The following XPO5 variants were observed in gnomAD, a reference collection of about 807,000 sequenced individuals.
The protein encoded by XPO5 is exportin-5.
A neutral mutation model predicts 160.6 loss-of-function variants in XPO5; 46 were observed. That is an observed-to-expected ratio of 0.29 (90% CI 0.23 to 0.37). The LOEUF is 0.37. XPO5 is among the 10% of genes least tolerant of loss of function. The pLI is 1.00. For missense variants in XPO5, 1,090 were observed against 1,463.9 expected (o/e 0.74, Z 4.17); for synonymous variants, 537 against 519.3 (o/e 1.03, Z -0.46).
At chr6:43,554,455 C>G (rs1472613070) in intron 13 of XPO5, among the ~76,000 whole-genome samples, 1 of 147,602 alleles carries the variant, frequency 6.8e-6, no homozygotes, top group African/African-American at 2.5e-5. Context: ...AGATGGAGTC[C>G]CGCTCTTTGC....
Position 43,522,802 on chromosome 6 carries a change from G to A in XPO5, c.*1066C>T, listed in dbSNP as rs79440262. On this transcript the variant is annotated 3_prime_UTR_variant, in exon 32 of 32. Coordinates refer to ENST00000265351, the MANE Select transcript of XPO5 (RefSeq NM_020750.3). ...TCTGTATGGATTAACTCTGCCTTAC[G>A]GCCAGTAATAACCTCAGGGCCAGGT... 0.016 allele frequency: 6,337 copies of A among 401,900 alleles called. 313 individuals carry two copies. Among genetic ancestry groups the A allele is most frequent in the African/African-American group, 0.11 (5,390 of 48,376 alleles). The allele number at this position is 401,900 out of a possible 1,614,324, so 24.9% of individuals were successfully genotyped here.
intron 20 of XPO5, among the ~76,000 whole-genome samples, chr6:43,535,791 G>A (rs542204426): frequency 2.7e-4 from 37 of 136,878 alleles, no homozygotes; most frequent in Admixed American, 8.3e-4. Flanking sequence ...TCCAGCCTGT[G>A]TGACAGAGCG....
At chr6:43,556,334 G>A (rs1762087602) in intron 12 of XPO5, among the ~76,000 whole-genome samples, 2 of 151,964 alleles carry the variant, frequency 1.3e-5, no homozygotes, top group East Asian at 3.9e-4. Flanking sequence ...AACCAGTTTG[G>A]GCAATACAGT....
chr6:43,526,898 A>G (rs1227153607), intron 26 of XPO5, 151 bp from the exon 27 acceptor site: 3 of 727,394 alleles, frequency 4.1e-6, no homozygotes, highest in Middle Eastern at 3.8e-4. Flanking sequence ...AGCTTCACCA[A>G]TAGAAATAGA....
chr6:43,540,588 G>C (rs370454384), intron 20 of XPO5, among the ~76,000 whole-genome samples: 2 of 152,222 alleles, frequency 1.3e-5, no homozygotes, highest in African/African-American at 4.8e-5. Flanking sequence ...GGGAGGTAGA[G>C]GTTGAAGTGA....
At chr6:43,554,314 T>C (rs1761903345) in intron 13 of XPO5, among the ~76,000 whole-genome samples, 1 of 152,042 alleles carries the variant, frequency 6.6e-6, no homozygotes, top group Non-Finnish European at 1.5e-5. Context: ...GGTTTCACCA[T>C]CTTGGCCAGG....
chr6:43,562,410 T>C, intron 8 of XPO5, 64 bp from the exon 9 acceptor site: 1 of 1,176,172 alleles, frequency 8.5e-7, no homozygotes, highest in South Asian at 1.3e-5. Flanking sequence ...AAACATCACT[T>C]TGTGTCTCAT....
intron 24 of XPO5, 46 bp downstream of exon 24, chr6:43,528,782 G>A (rs1468792240): frequency 1.9e-6 from 3 of 1,562,128 alleles, no homozygotes; most frequent in South Asian, 2.3e-5. Flanking sequence ...AATGGCCAGA[G>A]GCCTTAATAG....
chr6:43,569,251 T>A (rs1429864075), intron 5 of XPO5, among the ~76,000 whole-genome samples: 3 of 143,050 alleles, frequency 2.1e-5, no homozygotes, highest in African/African-American at 7.9e-5. Flanking sequence ...AAGATTGCAC[T>A]ACTGCACTCC....
Position 43,523,645 on chromosome 6 carries a change from T to A in XPO5, c.*223A>T, listed in dbSNP as rs550613202. 7.4e-6 allele frequency: 6 copies of A among 806,170 alleles called. No individual in the cohort carries two copies. The highest frequency in any genetic ancestry group is 1.3e-5 in the Non-Finnish European group (6 of 452,066). The allele number at this position is 806,170 out of a possible 1,614,324, so 49.9% of individuals were successfully genotyped here. On this transcript the variant is annotated 3_prime_UTR_variant, in exon 32 of 32. Transcript: ENST00000265351. ...AGTAGAATGGGAACTATCTGGGACA[T>A]CTAGACAGAATAGTTTAAGCCCTAA...
Position 43,533,898 on chromosome 6 carries a change from ATT to A in XPO5, c.2443+7_2443+8del, listed in dbSNP as rs1373496657. On this transcript the variant is annotated splice_region_variant and intron_variant, in intron 21 of 31. Coordinates refer to ENST00000265351, the MANE Select transcript of XPO5 (RefSeq NM_020750.3). ...TAAACCTTAGGAGAAAAAAGGTTAC[ATT>A]TCTTACCTAATATAGCAGATTTTTC... The A allele has an allele frequency of 1.3e-6, 2 of 1,588,292 alleles. No homozygotes were observed. The highest frequency in any genetic ancestry group is 1.7e-6 in the Non-Finnish European group (2 of 1,163,054).
At chr6:43,563,740 A>C (rs989443115) in intron 8 of XPO5, among the ~76,000 whole-genome samples, 1 of 152,208 alleles carries the variant, frequency 6.6e-6, no homozygotes. Context: ...GAAAAGGTAC[A>C]GTAAAAATAT....
At chr6:43,569,998 C>T (rs1205565699) in intron 5 of XPO5, among the ~76,000 whole-genome samples, 2 of 143,404 alleles carry the variant, frequency 1.4e-5, no homozygotes, top group African/African-American at 5.4e-5. Flanking sequence ...AGCCGAGATC[C>T]CTATCTTTTT....
In XPO5 at chr6:43,523,423, G is replaced by C; in HGVS notation, c.*445C>G. The C allele has an allele frequency of 3.1e-6, 1 of 319,928 alleles. No homozygotes were observed. The highest frequency in any genetic ancestry group is 6.1e-6 in the Non-Finnish European group (1 of 163,400). 19.8% of individuals were successfully genotyped at this position (319,928 alleles called of 1,614,324 possible). ...GCCCAGCAGCAAAAGGGCTCAGTGG[G>C]AGTTGGAGTGGTCCAAGAGAAACTC... On this transcript the variant is annotated 3_prime_UTR_variant, in exon 32 of 32. Coordinates refer to ENST00000265351, the MANE Select transcript of XPO5 (RefSeq NM_020750.3).
At position 43,557,425 on chromosome 6, in the gene XPO5, C is replaced by CA. The variant is rs1227954173; in HGVS notation, c.1312+1075dup. 8.0e-3 allele frequency among the ~76,000 whole-genome samples: 1,154 copies of CA among 143,548 alleles called. 9 individuals are homozygous for CA. The highest frequency in any genetic ancestry group is 0.027 in the African/African-American group (1,065 of 38,980). The allele number at this position is 143,548 out of a possible 152,430, so 94.2% of individuals were successfully genotyped here. ...TGGGCGACAGAGCGAGACTCCATCTCAAAAAAAAAAGAAATCAAGTACTGA... is the reference window on the plus strand; with the variant it reads ...TGGGCGACAGAGCGAGACTCCATCTCAAAAAAAAAAAGAAATCAAGTACTGA... On this transcript the variant is annotated intron_variant, in intron 12 of 31. Coordinates refer to ENST00000265351, the MANE Select transcript of XPO5 (RefSeq NM_020750.3).
At chr6:43,551,016 G>C (rs1404063000) in intron 15 of XPO5, 1 of 243,584 alleles carries the variant, frequency 4.1e-6, no homozygotes, top group Non-Finnish European at 7.9e-6. Flanking sequence ...TCCACAGTAA[G>C]TACTGAGTAG....
intron 7 of XPO5, among the ~76,000 whole-genome samples, chr6:43,566,936 C>T (rs1162317640): frequency 6.6e-6 from 1 of 151,700 alleles, no homozygotes; most frequent in Non-Finnish European, 1.5e-5. Context: ...TGTAAATTGC[C>T]AAGTATCATG....
chr6:43,574,849 C>CCCAATT (rs1345512714), intron 1 of XPO5, among the ~76,000 whole-genome samples: 5 of 151,932 alleles, frequency 3.3e-5, no homozygotes, highest in Non-Finnish European at 5.9e-5. Context: ...ACTAATGGAA[C>CCCAATT]CCAATTGTTT....
At chr6:43,549,457 T>C in intron 17 of XPO5, 32 bp downstream of exon 17, 5 of 1,570,384 alleles carry the variant, frequency 3.2e-6, no homozygotes, top group Non-Finnish European at 4.3e-6. Flanking sequence ...GTAACCAAAC[T>C]TGGCTACTTC....
Sources: allele counts gnomAD v4.1 joint callset (sites outside exome capture counted in the v4.1 genomes callset), GRCh38; gene constraint gnomAD v4.1.1; transcripts MANE v1.5; gene names NCBI Gene and HGNC (gene_info 2026-07-23, HGNC 2026-07-21).